ROBO1: variants seen among roughly 807,000 people sequenced by gnomAD.
ROBO1 encodes roundabout guidance receptor 1, also known as roundabout homolog 1.
ROBO1 carries 149 observed loss-of-function variants against 195.9 expected under a neutral mutation model. The ratio of observed to expected loss-of-function variants is 0.76; its 90% CI spans 0.67 to 0.87. The LOEUF (loss-of-function observed/expected upper bound fraction) is 0.87, where lower values mean the gene tolerates loss of function less well. Among genes scored for constraint, ROBO1 ranks in the 40% least tolerant of loss-of-function variants. The pLI is 0.00. For missense variants in ROBO1, 1,933 were observed against 2,068.3 expected (o/e 0.93, Z 1.27); for synonymous variants, 816 against 733.2 (o/e 1.11, Z -1.82).
At chr3:78,994,577 A>G (rs1282737915) in intron 3 of ROBO1, among the ~76,000 whole-genome samples, 1 of 152,164 alleles carries the variant, frequency 6.6e-6, no homozygotes. Context: ...GGAAATACCG[A>G]GTAAATGGGT....
chr3:79,700,422 C>T (rs550823868), intron 1 of ROBO1, among the ~76,000 whole-genome samples: 2 of 150,722 alleles, frequency 1.3e-5, no homozygotes, highest in East Asian at 2.0e-4. Flanking sequence ...ATGATAGTTC[C>T]GTTTCAAGTT....
At chr3:79,668,849 TC>T (rs1435665012) in intron 1 of ROBO1, among the ~76,000 whole-genome samples, 2 of 151,806 alleles carry the variant, frequency 1.3e-5, no homozygotes, top group Admixed American at 1.3e-4. Flanking sequence ...GGAATAGATA[TC>T]AACAGCCAAA....
chr3:78,994,456 T>C (rs1276939465), intron 3 of ROBO1, among the ~76,000 whole-genome samples: 1 of 152,200 alleles, frequency 6.6e-6, no homozygotes, highest in Non-Finnish European at 1.5e-5. Flanking sequence ...AGTAAATCTG[T>C]TGATGCCATT....
chr3:79,625,423 G>GAAAAAAAAAAAAAAAAAAAA, intron 1 of ROBO1, among the ~76,000 whole-genome samples: 29 of 13,876 alleles, frequency 2.1e-3, no homozygotes, highest in South Asian at 6.6e-3. Flanking sequence ...TGTTTTTTTT[G>GAAAAAAAAAAAAAAAAAAAA]AAAAAAAAAA....
intron 2 of ROBO1, among the ~76,000 whole-genome samples, chr3:79,419,427 T>G (rs2038135571): frequency 6.6e-6 from 1 of 152,038 alleles, no homozygotes; most frequent in African/African-American, 2.4e-5. Flanking sequence ...AGCCGTGGGT[T>G]GTGTCTGTGT....
chr3:78,631,123 T>G, intron 25 of ROBO1, 38 bp downstream of exon 25: 1 of 1,587,790 alleles, frequency 6.3e-7, no homozygotes, highest in Non-Finnish European at 8.6e-7. Context: ...GAAACAATCA[T>G]ATTACACTGT....
At chr3:79,030,964 C>A (rs559622870) in intron 3 of ROBO1, among the ~76,000 whole-genome samples, 1 of 152,180 alleles carries the variant, frequency 6.6e-6, no homozygotes, top group African/African-American at 2.4e-5. Context: ...TCAGGTGATC[C>A]ACCCGCCTCT....
At chr3:79,299,223 T>A (rs913837884) in intron 2 of ROBO1, among the ~76,000 whole-genome samples, 2 of 152,184 alleles carry the variant, frequency 1.3e-5, no homozygotes, top group African/African-American at 4.8e-5. Context: ...GTATTTCAAA[T>A]AATTTCTAAA....
rs1430409806 is a variant in ROBO1 at position 78,693,053 on chromosome 3, C to A, written c.1046-4281G>T. ...ATATATATATTCGAACAGTACTTAA[C>A]CAAGATGTAATCCTATCACTTATTT... On this transcript the variant is annotated intron_variant, in intron 8 of 30. Transcript: ENST00000464233. 6 of 331,770 alleles carry A rather than the reference C, an allele frequency of 1.8e-5. No homozygotes were observed. In the East Asian group the frequency reaches 3.1e-4, roughly 17 times the overall value. 20.6% of individuals were successfully genotyped at this position (331,770 alleles called of 1,614,324 possible). A position where few individuals can be genotyped will look rare whatever the true frequency, so the allele number is the denominator to read the frequency against.
chr3:79,381,705 C>T (rs1369238174), intron 2 of ROBO1, among the ~76,000 whole-genome samples: 1 of 152,054 alleles, frequency 6.6e-6, no homozygotes, highest in East Asian at 1.9e-4. Context: ...GGCAAATTTG[C>T]AGAGTCAACA....
intron 1 of ROBO1, among the ~76,000 whole-genome samples, chr3:79,658,779 T>C (rs995855459): frequency 1.3e-4 from 19 of 151,954 alleles, no homozygotes; most frequent in African/African-American, 4.1e-4. Flanking sequence ...CTATTTTTTT[T>C]TTTTTCTGAG....
chr3:78,686,151 A>G (rs1173138168), intron 9 of ROBO1, among the ~76,000 whole-genome samples: 1 of 152,220 alleles, frequency 6.6e-6, no homozygotes, highest in Non-Finnish European at 1.5e-5. Flanking sequence ...ACATATACAT[A>G]TACAAGGTTT....
intron 3 of ROBO1, among the ~76,000 whole-genome samples, chr3:78,972,967 A>C (rs2076802010): frequency 6.6e-6 from 1 of 152,194 alleles, no homozygotes; most frequent in African/African-American, 2.4e-5. Flanking sequence ...TTTGTCTGTA[A>C]AGTAGAAAAA....
At chr3:79,307,663 C>T (rs2033284866) in intron 2 of ROBO1, among the ~76,000 whole-genome samples, 2 of 151,820 alleles carry the variant, frequency 1.3e-5, no homozygotes, top group Admixed American at 6.6e-5. Flanking sequence ...ATAATTATCT[C>T]AATGATGTAT....
At chr3:78,790,922 C>T (rs181534021) in intron 4 of ROBO1, among the ~76,000 whole-genome samples, 1 of 152,212 alleles carries the variant, frequency 6.6e-6, no homozygotes, top group Admixed American at 6.5e-5. Context: ...ATAAAGTAGT[C>T]CCCCCATCAG....
At chr3:78,720,956 G>A (rs1000391488) in intron 5 of ROBO1, among the ~76,000 whole-genome samples, 1 of 151,010 alleles carries the variant, frequency 6.6e-6, no homozygotes, top group South Asian at 2.1e-4. Context: ...GGGTTGGGGG[G>A]GGGGCGGTGG....
intron 3 of ROBO1, among the ~76,000 whole-genome samples, chr3:79,083,907 A>C (rs1576653833): frequency 6.6e-6 from 1 of 152,312 alleles, no homozygotes; most frequent in East Asian, 1.9e-4. Context: ...CCAGAAAAGT[A>C]TTTTGTTGCC....
chr3:79,277,799 A>C (rs74486291), intron 2 of ROBO1, among the ~76,000 whole-genome samples: 8 of 148,878 alleles, frequency 5.4e-5, no homozygotes, highest in South Asian at 2.1e-4. Context: ...ATAAAAAAAA[A>C]CACACACTTG....
intron 4 of ROBO1, among the ~76,000 whole-genome samples, chr3:78,884,639 G>GAA (rs1481081481): frequency 1.2e-5 from 1 of 81,484 alleles, no homozygotes; most frequent in African/African-American, 6.0e-5. Context: ...GAAAGAGAAA[G>GAA]AAAGAAAGAA....
Sources: gnomAD v4.1 joint callset for allele counts (sites outside exome capture counted in the v4.1 genomes callset) on GRCh38, gnomAD v4.1.1 for gene constraint, MANE v1.5 for transcripts, NCBI Gene and HGNC (gene_info 2026-07-23, HGNC 2026-07-21) for gene names.